The following ZFAT variants were observed in gnomAD, a reference collection of about 807,000 sequenced individuals.
ZFAT encodes zinc finger and AT-hook domain containing.
Under a neutral mutation model 117.7 loss-of-function variants are expected in ZFAT, and 64 were observed. The observed-to-expected ratio is 0.54, with a 90% confidence interval of 0.44 to 0.67. The LOEUF is 0.67. ZFAT is among the 30% of genes least tolerant of loss of function. The pLI is 0.00. For missense variants in ZFAT, 1,433 were observed against 1,584.5 expected, an observed-to-expected ratio of 0.90 and a Z score of 1.62; for synonymous variants, 679 against 615.0, an observed-to-expected ratio of 1.10 and a Z score of -1.54.
chr8:134,542,307 C>T (rs1708054321), intron 11 of ZFAT, among the ~76,000 whole-genome samples: 1 of 152,152 alleles, frequency 6.6e-6, no homozygotes, highest in Non-Finnish European at 1.5e-5. Context: ...CTTTTCTTTC[C>T]AACTTTTATT....
chr8:134,565,370 T>C lies in ZFAT; in HGVS notation c.2939A>G (p.Gln980Arg), dbSNP rs1184653150. 6.2e-7 allele frequency: 1 copy of C among 1,613,938 alleles called. No individual in the cohort carries two copies. Among genetic ancestry groups the C allele is most frequent in the Non-Finnish European group, 8.5e-7 (1 of 1,179,880 alleles). ...VCDYTAAQKP[Q>R]LLRHMEQHVS... ...ATGCTGTTCCATGTGCCGCAGCAGC[T>C]GTGGCTTCTGGGCCGCTGTGTAGTC... Residue 980 changes from glutamine to arginine, a missense_variant, in exon 11 of 16, where the codon CAG becomes CGG. Coordinates refer to ENST00000377838, the MANE Select transcript of ZFAT (RefSeq NM_020863.4).
chr8:134,721,234 G>A, the ZFAT span, among the ~76,000 whole-genome samples: 1 of 152,160 alleles, frequency 6.6e-6, no homozygotes, highest in Admixed American at 6.5e-5. Context: ...AGGACGGGCC[G>A]CATGTCCCAG....
At chr8:134,606,397 A>G (rs1586804003) in intron 5 of ZFAT, among the ~76,000 whole-genome samples, 2 of 152,258 alleles carry the variant, frequency 1.3e-5, no homozygotes, top group Admixed American at 6.5e-5. Context: ...GTACAAAGGC[A>G]TATAAATGTA....
Position 134,638,549 on chromosome 8 carries a change from C to CAAAAAAAAAAAAAAA in ZFAT, c.197-838_197-837insTTTTTTTTTTTTTTT, listed in dbSNP as rs758050176. On this transcript the variant is annotated intron_variant, in intron 2 of 15. Coordinates refer to ENST00000377838, the MANE Select transcript of ZFAT (RefSeq NM_020863.4). The stretch of plus-strand genomic sequence containing the variant: ...TGAAACTCTGTCTCTACTAAAAATA[C>CAAAAAAAAAAAAAAA]AAAAAAAAAACAAAACAAAAAAAAA... Among the ~76,000 whole-genome samples, 35 of 101,086 alleles carry CAAAAAAAAAAAAAAA rather than the reference C, an allele frequency of 3.5e-4. 2 individuals are homozygous for CAAAAAAAAAAAAAAA. Among genetic ancestry groups the CAAAAAAAAAAAAAAA allele is most frequent in the African/African-American group, 4.8e-4 (13 of 26,860 alleles). The allele number at this position is 101,086 out of a possible 152,430, so 66.3% of individuals were successfully genotyped here. A position where few individuals can be genotyped will look rare whatever the true frequency, so the allele number is the denominator to read the frequency against.
At chr8:134,503,960 C>CA (rs200100439) in intron 15 of ZFAT, among the ~76,000 whole-genome samples, 31,641 of 151,852 alleles carry the variant, frequency 0.21, 4,029 homozygotes, top group East Asian at 0.4. Context: ...ACACACACAC[C>CA]CCTATGAGTT....
chr8:134,750,042 G>A, the ZFAT span, among the ~76,000 whole-genome samples: 2 of 152,028 alleles, frequency 1.3e-5, no homozygotes, highest in African/African-American at 4.8e-5. Context: ...ATTTTGATTG[G>A]GGTTGTGTCA....
intron 1 of ZFAT, among the ~76,000 whole-genome samples, chr8:134,665,599 G>T (rs143204344): frequency 2.3e-3 from 345 of 152,318 alleles, no homozygotes; most frequent in Non-Finnish European, 3.8e-3. Flanking sequence ...AACGTACATA[G>T]AAGTACATGC....
chr8:134,752,296 C>A, the ZFAT span, among the ~76,000 whole-genome samples: 1 of 152,182 alleles, frequency 6.6e-6, no homozygotes, highest in Admixed American at 6.5e-5. Flanking sequence ...AGTCAAACTT[C>A]TGAACCTGCC....
chr8:134,739,310 TG>T, the ZFAT span, among the ~76,000 whole-genome samples: 1 of 150,674 alleles, frequency 6.6e-6, no homozygotes, highest in Admixed American at 6.6e-5. Context: ...TGTGTGTGTG[TG>T]TGTGTGTACA....
intron 3 of ZFAT, among the ~76,000 whole-genome samples, chr8:134,611,996 C>A (rs1828369803): frequency 6.6e-6 from 1 of 152,198 alleles, no homozygotes; most frequent in Non-Finnish European, 1.5e-5. Flanking sequence ...AACAAAGGAG[C>A]CACCTCTTGA....
chr8:134,635,192 C>T (rs1402058519), intron 3 of ZFAT, among the ~76,000 whole-genome samples: 1 of 152,160 alleles, frequency 6.6e-6, no homozygotes, highest in Non-Finnish European at 1.5e-5. Flanking sequence ...ACCCTAAGGG[C>T]AGTGCAGACT....
intron 2 of ZFAT, among the ~76,000 whole-genome samples, chr8:134,654,556 T>A (rs1053575321): frequency 2.0e-5 from 3 of 152,080 alleles, no homozygotes; most frequent in Admixed American, 2.0e-4. Context: ...CACCAGTGAA[T>A]CCATGCTGCC....
the ZFAT span, among the ~76,000 whole-genome samples, chr8:134,728,301 G>A: frequency 5.3e-5 from 8 of 151,994 alleles, no homozygotes; most frequent in Admixed American, 1.3e-4. Flanking sequence ...AGCATGTACA[G>A]GGAAGGCAGA....
In ZFAT at chr8:134,651,014, A is replaced by C. The variant is rs892562452; in HGVS notation, c.196+6547T>G. Reference sequence around the variant, plus strand: ...ATTCACTGGGATGGGTACAAACCAAAATGTGAAAATTAACAAGTGTTGGCA... The same window carrying C: ...ATTCACTGGGATGGGTACAAACCAACATGTGAAAATTAACAAGTGTTGGCA... On this transcript the variant is annotated intron_variant, in intron 2 of 15. Transcript: ENST00000377838. Among the ~76,000 whole-genome samples the C allele has an allele frequency of 3.9e-5, 6 of 152,246 alleles. No individual in the cohort carries two copies. The East Asian group carries it at 1.2e-3, about 29-fold the overall frequency.
intron 5 of ZFAT, among the ~76,000 whole-genome samples, chr8:134,606,393 AG>A (rs1827889948): frequency 1.3e-5 from 2 of 152,232 alleles, no homozygotes; most frequent in South Asian, 4.1e-4. Context: ...TTGAGTACAA[AG>A]GCATATAAAT....
At chr8:134,640,330 G>A (rs1028224157) in intron 2 of ZFAT, among the ~76,000 whole-genome samples, 1 of 152,204 alleles carries the variant, frequency 6.6e-6, no homozygotes, top group African/African-American at 2.4e-5. Flanking sequence ...GGAGTCTTGG[G>A]CAGACTTGGT....
At chr8:134,550,072 C>G (rs910893726) in intron 11 of ZFAT, among the ~76,000 whole-genome samples, 11 of 152,092 alleles carry the variant, frequency 7.2e-5, no homozygotes, top group Non-Finnish European at 1.3e-4. Flanking sequence ...ATGAGAACAT[C>G]ATTCCCTTCT....
intron 1 of ZFAT, among the ~76,000 whole-genome samples, chr8:134,662,189 GT>G (rs1398008728): frequency 6.6e-6 from 1 of 152,082 alleles, no homozygotes; most frequent in East Asian, 1.9e-4. Flanking sequence ...GCTCTTTGGG[GT>G]TTCTTTTATA....
In ZFAT at chr8:134,512,468, T is replaced by C; in HGVS notation, c.3361+7A>G. 1 of 1,613,208 alleles carries C rather than the reference T, an allele frequency of 6.2e-7. No homozygotes were observed. The highest frequency in any genetic ancestry group is 1.1e-5 in the South Asian group (1 of 90,998). ...TGAGATGGCAAAGGAAGACCAGGCG[T>C]CCTCACCACTCTCAGAGGTGTATCT... On this transcript the variant is annotated splice_region_variant and intron_variant, in intron 14 of 15. Transcript: ENST00000377838.
Sources: allele counts gnomAD v4.1 joint callset (sites outside exome capture counted in the v4.1 genomes callset), GRCh38; gene constraint gnomAD v4.1.1; transcripts MANE v1.5; gene names NCBI Gene and HGNC (gene_info 2026-07-23, HGNC 2026-07-21).